Variants in TBC1D16 observed in about 807,000 individuals in gnomAD.
The protein encoded by TBC1D16 is CTD-2529O21.1.
In TBC1D16, 58 loss-of-function variants were observed where a neutral mutation model predicts 74.7. The observed-to-expected ratio is 0.78, with a 90% CI of 0.63 to 0.97. The LOEUF (loss-of-function observed/expected upper bound fraction) is 0.97, where lower values mean the gene tolerates loss of function less well. Among genes scored for constraint, TBC1D16 ranks in the 50% least tolerant of loss-of-function variants. The probability of loss-of-function intolerance (pLI) is 0.00; values close to 1 mark genes in which losing one functional copy is unlikely to be tolerated. For synonymous variants in TBC1D16, 493 were observed against 474.7 expected (o/e 1.04, Z -0.50); for missense variants, 1,014 against 1,079.5 (o/e 0.94, Z 0.85).
rs144571953 is a variant in TBC1D16 at position 80,011,353 on chromosome 17, T to C, written c.182-596A>G. On this transcript the variant is annotated intron_variant, in intron 2 of 11. Transcript: ENST00000310924. Reference sequence around the variant, plus strand: ...ATGAGCCACGAACTCAGGCTTGCCATGCACCTTTCCAAGTACACCAGGGGC... The same window carrying C: ...ATGAGCCACGAACTCAGGCTTGCCACGCACCTTTCCAAGTACACCAGGGGC... Among the ~76,000 whole-genome samples the C allele has an allele frequency of 1.6e-3, 239 of 152,052 alleles. 1 individual carries two copies. Among genetic ancestry groups the C allele is most frequent in the African/African-American group, 5.6e-3 (231 of 41,506 alleles).
rs372358351 is a variant in TBC1D16, at chr17:79,945,021, C to T, written c.1795G>A (p.Glu599Lys). ...CAGAAGAGCATCTGCAGGCCGTCCT[C>T]GCCCAGCGAGACCAGGTGCTGGTAG... ...RFYQHLVSLG[E>K]DGLQMLFCHR... Residue 599 changes from glutamate (E) to lysine (K), a missense_variant, in exon 10 of 12, where the codon GAG becomes AAG. Transcript: ENST00000310924. 8 of 1,580,642 alleles carry T rather than the reference C, an allele frequency of 5.1e-6. No individual in the cohort carries two copies. Among genetic ancestry groups the T allele is most frequent in the Non-Finnish European group, 6.9e-6 (8 of 1,164,390 alleles).
rs1598385990 is a variant in TBC1D16 at position 79,983,054 on chromosome 17, G to A, written c.779+27106C>T. On this transcript the variant is annotated intron_variant, in intron 3 of 11. Coordinates refer to ENST00000310924, the MANE Select transcript of TBC1D16 (RefSeq NM_019020.4). This position sits in a 1 kb window ranked among gnomAD's most constrained non-coding sequence, Gnocchi z 5.6. ...ACGCATCCACCCCGAGCCTCTGTGT[G>A]CAGAGCTCCAAGCACAGACGTGTTC... Among the ~76,000 whole-genome samples the A allele has an allele frequency of 1.3e-5, 2 of 152,350 alleles. No individual in the cohort carries two copies. Among genetic ancestry groups the A allele is most frequent in the Middle Eastern group, 6.8e-3 (2 of 294 alleles).
chr17:79,992,034 G>A (rs2035083492), intron 3 of TBC1D16: 1 of 152,436 alleles, frequency 6.6e-6, no homozygotes, highest in East Asian at 1.9e-4. Context: ...CTGCGTACAA[G>A]CCTGTCCCGG....
intron 4 of TBC1D16, among the ~76,000 whole-genome samples, 180 bp downstream of exon 4, chr17:79,952,477 G>A (rs1236043397): frequency 6.6e-6 from 1 of 152,222 alleles, no homozygotes; most frequent in African/African-American, 2.4e-5. Context: ...GAACTGTCAG[G>A]GAGCTGCAGT....
chr17:80,021,424 C>T (rs921784070), intron 1 of TBC1D16, among the ~76,000 whole-genome samples: 1 of 149,768 alleles, frequency 6.7e-6, no homozygotes, highest in East Asian at 1.9e-4. Context: ...TGCACCACTG[C>T]ACCCCACCCT....
chr17:79,994,208 C>T lies in TBC1D16; in HGVS notation c.779+15952G>A, dbSNP rs1021715461. ...GACGGCCCACCAGATGCACTGGCTC[C>T]GCCCCCATCTCTTTAGAATCCAGCT... On this transcript the variant is annotated intron_variant, in intron 3 of 11. Coordinates refer to ENST00000310924, the MANE Select transcript of TBC1D16 (RefSeq NM_019020.4). The surrounding 1 kb of genome is among the most constrained non-coding windows in gnomAD (Gnocchi z 4.6). 2.0e-5 allele frequency among the ~76,000 whole-genome samples: 3 copies of T among 151,684 alleles called. No homozygotes were observed. Among genetic ancestry groups the T allele is most frequent in the Non-Finnish European group, 4.4e-5 (3 of 67,980 alleles).
At position 79,993,105 on chromosome 17, in the gene TBC1D16, A is replaced by C. The variant is rs905390249; in HGVS notation, c.779+17055T>G. Among the ~76,000 whole-genome samples the C allele has an allele frequency of 1.3e-5, 2 of 152,190 alleles. No individual in the cohort carries two copies. The highest frequency in any genetic ancestry group is 4.8e-5 in the African/African-American group (2 of 41,446). On this transcript the variant is annotated intron_variant, in intron 3 of 11. Transcript: ENST00000310924. The surrounding 1 kb of genome is among the most constrained non-coding windows in gnomAD (Gnocchi z 5.1). ...CTATGGGGTGGGGAGCACTAGCGCC[A>C]GCCCCATTGTGCAGAGGGGAAACTG...
intron 2 of TBC1D16, among the ~76,000 whole-genome samples, chr17:80,012,578 CT>C (rs57334506): frequency 0.054 from 7,888 of 146,968 alleles, 385 homozygotes; most frequent in African/African-American, 0.13. Flanking sequence ...TAATTTATAA[CT>C]TTTTTTTTTT....
In TBC1D16 at chr17:80,019,355, G is replaced by A. The variant is rs544140948; in HGVS notation, c.-62-5746C>T. Among the ~76,000 whole-genome samples, 23 of 149,636 alleles carry A rather than the reference G, an allele frequency of 1.5e-4. 3 individuals carry two copies. The highest frequency in any genetic ancestry group is 4.4e-4 in the African/African-American group (17 of 39,070). On this transcript the variant is annotated intron_variant, in intron 1 of 11. Coordinates refer to ENST00000310924, the MANE Select transcript of TBC1D16 (RefSeq NM_019020.4). Reference sequence around the variant, plus strand: ...GACCACTCAGGGTCATTTCGTGAGCGGGAAACCCTGCAGCGTGAGACCTTC... The same window carrying A: ...GACCACTCAGGGTCATTTCGTGAGCAGGAAACCCTGCAGCGTGAGACCTTC...
rs1358233156 is a variant in TBC1D16, at chr17:80,010,775, G to A, written c.182-18C>T. On this transcript the variant is annotated intron_variant, in intron 2 of 11. Coordinates refer to ENST00000310924, the MANE Select transcript of TBC1D16 (RefSeq NM_019020.4). The surrounding 1 kb of genome is among the most constrained non-coding windows in gnomAD (Gnocchi z 8.8). ...CAGGTAACCTGTGAGGAGCCAGGGG[G>A]ATGGCACGTTAGAGGCCAGGAGGCT... 1.4e-6 allele frequency: 2 copies of A among 1,468,602 alleles called. No individual in the cohort carries two copies. Among genetic ancestry groups the A allele is most frequent in the African/African-American group, 1.4e-5 (1 of 71,102 alleles). 91.0% of individuals were successfully genotyped at this position (1,468,602 alleles called of 1,614,324 possible). A position where few individuals can be genotyped will look rare whatever the true frequency, so the allele number is the denominator to read the frequency against.
At chr17:80,026,106 A>G (rs2143319707) in intron 1 of TBC1D16, 1 of 150,114 alleles carries the variant, frequency 6.7e-6, no homozygotes, top group Non-Finnish European at 1.5e-5. Context: ...ACACCTAAAT[A>G]ATGGAGGATT....
intron 3 of TBC1D16, among the ~76,000 whole-genome samples, chr17:79,960,808 A>AAAAAAAAAT: frequency 7.2e-6 from 1 of 139,534 alleles, no homozygotes; most frequent in Non-Finnish European, 1.6e-5. Flanking sequence ...AAAAAAAAAA[A>AAAAAAAAAT]ACGAAGGAAT....
At chr17:79,978,996 A>G (rs1413805159) in intron 3 of TBC1D16, among the ~76,000 whole-genome samples, 1 of 152,250 alleles carries the variant, frequency 6.6e-6, no homozygotes, top group Non-Finnish European at 1.5e-5. Context: ...GAAAACAGCC[A>G]AGAGATTTTT....
chr17:79,991,119 T>A (rs1295661038), intron 3 of TBC1D16, among the ~76,000 whole-genome samples: 1 of 152,206 alleles, frequency 6.6e-6, no homozygotes, highest in Non-Finnish European at 1.5e-5. Flanking sequence ...GAATCATCTA[T>A]GAAATAATTT....
chr17:79,986,944 C>A lies in TBC1D16; in HGVS notation c.779+23216G>T, dbSNP rs1214312912. On this transcript the variant is annotated intron_variant, in intron 3 of 11. Transcript: ENST00000310924. This position sits in a 1 kb window ranked among gnomAD's most constrained non-coding sequence, Gnocchi z 6.0. ...CTCTGCTGCTGTGTTTACTTGGCTC[C>A]CTTCCCGGGATGGCCTTGTAGCAAA... Among the ~76,000 whole-genome samples, 1 of 152,238 alleles carries A rather than the reference C, an allele frequency of 6.6e-6. No homozygotes were observed. Among genetic ancestry groups the A allele is most frequent in the African/African-American group, 2.4e-5 (1 of 41,450 alleles).
intron 3 of TBC1D16, among the ~76,000 whole-genome samples, chr17:79,977,563 C>T (rs560994582): frequency 6.6e-6 from 1 of 152,372 alleles, no homozygotes; most frequent in East Asian, 1.9e-4. Context: ...GAGAGCTCTC[C>T]GCACCTTCCT....
In TBC1D16 at chr17:79,980,725, G is replaced by A. The variant is rs1012764935; in HGVS notation, c.780-27907C>T. ...CAGCCCCCCAGGGTTCACTCGAACC[G>A]CCTCCGCGCACCCCAACAGCAGAGA... On this transcript the variant is annotated intron_variant, in intron 3 of 11. Coordinates refer to ENST00000310924, the MANE Select transcript of TBC1D16 (RefSeq NM_019020.4). The surrounding 1 kb of genome is among the most constrained non-coding windows in gnomAD (Gnocchi z 7.0). 6.6e-6 allele frequency among the ~76,000 whole-genome samples: 1 copy of A among 152,188 alleles called. No homozygotes were observed. The highest frequency in any genetic ancestry group is 2.4e-5 in the African/African-American group (1 of 41,454).
At chr17:79,968,141 C>T (rs949302263) in intron 3 of TBC1D16, among the ~76,000 whole-genome samples, 118 of 152,268 alleles carry the variant, frequency 7.7e-4, no homozygotes, top group African/African-American at 2.6e-3. Context: ...TACAGGCGTG[C>T]GCCACCATAC....
rs972674427 is a variant in TBC1D16 at position 80,026,528 on chromosome 17, G to A, written c.-63+9267C>T. 2.7e-5 allele frequency among the ~76,000 whole-genome samples: 4 copies of A among 149,904 alleles called. 1 individual carries two copies. Among genetic ancestry groups the A allele is most frequent in the African/African-American group, 1.0e-4 (4 of 39,284 alleles). On this transcript the variant is annotated intron_variant, in intron 1 of 11. Coordinates refer to ENST00000310924, the MANE Select transcript of TBC1D16 (RefSeq NM_019020.4). ...CTTGCATCCAAAGAGGTGTGGAGGAGGCGTGGACGAGGGTGGAGTTGTGTG... is the reference window on the plus strand; with the variant it reads ...CTTGCATCCAAAGAGGTGTGGAGGAAGCGTGGACGAGGGTGGAGTTGTGTG...
Sources: gnomAD v4.1 joint callset for allele counts (sites outside exome capture counted in the v4.1 genomes callset) on GRCh38, gnomAD v4.1.1 for gene constraint, Gnocchi (gnomAD v3.1) non-coding constraint, MANE v1.5 for transcripts, NCBI Gene and HGNC (gene_info 2026-07-23, HGNC 2026-07-21) for gene names.